CACHD1: variants seen among roughly 807,000 people sequenced by gnomAD.
The protein encoded by CACHD1 is cache domain containing 1, also known as VWFA and cache domain-containing protein 1.
In CACHD1, 71 loss-of-function variants were observed where a neutral mutation model predicts 138.7. The observed-to-expected ratio is 0.51, with a 90% CI of 0.42 to 0.62. The LOEUF is 0.62. Ranked by LOEUF, CACHD1 falls within the 20% of genes least tolerant of loss-of-function variation. The pLI, the probability that CACHD1 is intolerant of heterozygous loss-of-function variation, is 0.00. For synonymous variants in CACHD1, 578 were observed against 591.5 expected (o/e 0.98, Z 0.33); for missense variants, 1,389 against 1,625.3 (o/e 0.85, Z 2.50).
intron 11 of CACHD1, among the ~76,000 whole-genome samples, chr1:64,654,130 A>C (rs1649190744): frequency 6.6e-6 from 1 of 152,200 alleles, no homozygotes; most frequent in Admixed American, 6.5e-5. Context: ...GTTCACATTG[A>C]CTTTCATTGT....
At chr1:64,573,833 C>G (rs892346637) in intron 2 of CACHD1, among the ~76,000 whole-genome samples, 2 of 151,746 alleles carry the variant, frequency 1.3e-5, no homozygotes, top group Non-Finnish European at 2.9e-5. Context: ...GGGTGATTAC[C>G]AAGGGCTGTT....
chr1:64,641,600 C>T (rs1353675349), intron 7 of CACHD1, among the ~76,000 whole-genome samples: 1 of 152,130 alleles, frequency 6.6e-6, no homozygotes, highest in Non-Finnish European at 1.5e-5. Flanking sequence ...CATCTCCTTA[C>T]CTGATGCTGC....
intron 19 of CACHD1, 76 bp from the exon 20 acceptor site, chr1:64,675,322 TGAA>T (rs2100726010): frequency 1.6e-5 from 18 of 1,151,860 alleles, no homozygotes; most frequent in Non-Finnish European, 2.2e-5. Context: ...CGTAGGTAGT[TGAA>T]GAGTTGTTTT....
intron 1 of CACHD1, among the ~76,000 whole-genome samples, chr1:64,532,009 G>A (rs1187539646): frequency 2.0e-5 from 3 of 152,178 alleles, no homozygotes; most frequent in Non-Finnish European, 4.4e-5. Flanking sequence ...ATAAGGGTGG[G>A]GAGGACTAGA....
chr1:64,545,716 G>A (rs1646713254), intron 1 of CACHD1, among the ~76,000 whole-genome samples: 1 of 152,126 alleles, frequency 6.6e-6, no homozygotes, highest in South Asian at 2.1e-4. Flanking sequence ...GTGTCTGCAA[G>A]GTGTATACCA....
At chr1:64,631,771 T>A (rs867461334) in intron 5 of CACHD1, among the ~76,000 whole-genome samples, 5 of 151,974 alleles carry the variant, frequency 3.3e-5, no homozygotes, top group African/African-American at 1.2e-4. Context: ...CCCAACCCCC[T>A]TTTTTTCAAT....
At chr1:64,640,787 A>G (rs1371259654) in intron 7 of CACHD1, among the ~76,000 whole-genome samples, 1 of 151,748 alleles carries the variant, frequency 6.6e-6, no homozygotes, top group African/African-American at 2.4e-5. Flanking sequence ...AGAATTACAG[A>G]TTAGGAAGAA....
At chr1:64,620,291 T>G (rs1647864156) in intron 4 of CACHD1, among the ~76,000 whole-genome samples, 1 of 152,154 alleles carries the variant, frequency 6.6e-6, no homozygotes, top group African/African-American at 2.4e-5. Flanking sequence ...TACCTACATG[T>G]AGCTGTTTAG....
intron 4 of CACHD1, among the ~76,000 whole-genome samples, chr1:64,616,946 T>C (rs1426665166): frequency 1.3e-5 from 2 of 152,104 alleles, no homozygotes; most frequent in Non-Finnish European, 2.9e-5. Context: ...GAAAGATTAC[T>C]GATAACTTAG....
chr1:64,509,286 G>A (rs1646401046), intron 1 of CACHD1, among the ~76,000 whole-genome samples: 1 of 152,116 alleles, frequency 6.6e-6, no homozygotes. Flanking sequence ...CAAGTGTGGA[G>A]TTTTCATTTT....
chr1:64,513,100 A>G (rs1646434344), intron 1 of CACHD1, among the ~76,000 whole-genome samples: 1 of 152,218 alleles, frequency 6.6e-6, no homozygotes, highest in African/African-American at 2.4e-5. Context: ...CTAGCCCAAG[A>G]TTATCCATCT....
chr1:64,650,333 A>T (rs763773060), intron 9 of CACHD1, among the ~76,000 whole-genome samples: 12 of 152,200 alleles, frequency 7.9e-5, no homozygotes, highest in Non-Finnish European at 1.6e-4. Context: ...ACTAAAGCTC[A>T]GGGGACTGTG....
intron 1 of CACHD1, among the ~76,000 whole-genome samples, chr1:64,478,550 C>T (rs920292686): frequency 8.5e-5 from 13 of 152,212 alleles, no homozygotes; most frequent in Admixed American, 1.3e-4. Context: ...CAAATATTCA[C>T]TGGATTCCTT....
intron 26 of CACHD1, among the ~76,000 whole-genome samples, chr1:64,689,996 G>C (rs372921468): frequency 2.0e-5 from 3 of 152,170 alleles, no homozygotes; most frequent in Non-Finnish European, 4.4e-5. Flanking sequence ...GAAAGATGAC[G>C]TCTCTTATTC....
At chr1:64,510,096 G>A (rs942272507) in intron 1 of CACHD1, among the ~76,000 whole-genome samples, 1 of 152,148 alleles carries the variant, frequency 6.6e-6, no homozygotes, top group African/African-American at 2.4e-5. Flanking sequence ...AAATTTTAAT[G>A]GGAGTCAAGA....
intron 1 of CACHD1, among the ~76,000 whole-genome samples, chr1:64,537,897 A>G (rs1218572863): frequency 1.3e-5 from 2 of 152,104 alleles, no homozygotes; most frequent in African/African-American, 2.4e-5. Flanking sequence ...TAAGTGGCAA[A>G]GATTTTTTTT....
chr1:64,633,211 A>G (rs34568581), intron 6 of CACHD1, among the ~76,000 whole-genome samples: 19,767 of 152,254 alleles, frequency 0.13, 1,434 homozygotes, highest in Admixed American at 0.21. Flanking sequence ...TCTCACCATC[A>G]TAAAGTCAAA....
At chr1:64,629,210 A>G in intron 4 of CACHD1, 145 bp from the exon 5 acceptor site, 2 of 883,472 alleles carry the variant, frequency 2.3e-6, no homozygotes, top group Non-Finnish European at 3.4e-6. Context: ...GCAGAAAGCA[A>G]ATGTTTCATA....
Position 64,582,144 on chromosome 1 carries a change from G to A in CACHD1, c.262-12G>A, listed in dbSNP as rs2100538595. On this transcript the variant is annotated splice_polypyrimidine_tract_variant and intron_variant, in intron 2 of 26. Coordinates refer to ENST00000651257, the MANE Select transcript of CACHD1 (RefSeq NM_020925.4). ...GGACTTTCGATTTATTTTGCTCACT[G>A]TCATCCCACAGCTAGCCAAAAAAAT... The A allele has an allele frequency of 6.2e-7, 1 of 1,613,328 alleles. No individual in the cohort carries two copies. Among genetic ancestry groups the A allele is most frequent in the Middle Eastern group, 1.7e-4 (1 of 6,054 alleles).
Sources: allele counts gnomAD v4.1 joint callset (sites outside exome capture counted in the v4.1 genomes callset), GRCh38; gene constraint gnomAD v4.1.1; transcripts MANE v1.5; gene names NCBI Gene and HGNC (gene_info 2026-07-23, HGNC 2026-07-21).